SLC6A7: variants seen among roughly 807,000 people sequenced by gnomAD.
SLC6A7 encodes the protein sodium-dependent proline transporter.
Under a neutral mutation model 73.1 loss-of-function variants are expected in SLC6A7, and 58 were observed. That is an observed-to-expected ratio of 0.79 (90% CI 0.64 to 0.99). The LOEUF is 0.99. SLC6A7 is among the 50% of genes least tolerant of loss of function. SLC6A7 has a pLI of 0.00. For missense variants in SLC6A7, 783 were observed against 831.4 expected (o/e 0.94, Z 0.72); for synonymous variants, 338 against 338.7 (o/e 1.00, Z 0.02).
intron 1 of SLC6A7, among the ~76,000 whole-genome samples, chr5:150,193,618 G>A (rs764255883): frequency 9.9e-5 from 15 of 152,208 alleles, no homozygotes; most frequent in East Asian, 1.9e-4. Flanking sequence ...TTTGAGCCAC[G>A]GAGCATCAGT....
At chr5:150,196,467 C>G (rs946571165) in intron 2 of SLC6A7, among the ~76,000 whole-genome samples, 1 of 152,230 alleles carries the variant, frequency 6.6e-6, no homozygotes, top group Non-Finnish European at 1.5e-5. Context: ...TTCATTCATT[C>G]ACTCCCTCAG....
At chr5:150,191,591 T>C (rs1014032877) in intron 1 of SLC6A7, among the ~76,000 whole-genome samples, 12 of 152,186 alleles carry the variant, frequency 7.9e-5, no homozygotes, top group Middle Eastern at 3.4e-3. Flanking sequence ...CCACCACGCC[T>C]GGCTAATGTT....
chr5:150,202,872 C>T (rs142927883), intron 8 of SLC6A7, among the ~76,000 whole-genome samples, 169 bp downstream of exon 8: 12 of 152,178 alleles, frequency 7.9e-5, no homozygotes, highest in African/African-American at 2.9e-4. Flanking sequence ...GTCAGGAGTT[C>T]GAGACCAGCC....
rs776281476 is a variant in SLC6A7 at position 150,202,705 on chromosome 5, T to C, written c.1087+2T>C. On this transcript the variant is annotated splice_donor_variant, in intron 8 of 13. Coordinates refer to ENST00000230671, the MANE Select transcript of SLC6A7 (RefSeq NM_014228.5). LOFTEE classifies it high-confidence loss of function. ...CTGTGGACCAAGTAGCCAAAGCAGG[T>C]GGGCAGGCTGCCAGGCCTCAGTGGG... The C allele has an allele frequency of 7.4e-6, 12 of 1,613,790 alleles. No homozygotes were observed. Among genetic ancestry groups the C allele is most frequent in the Non-Finnish European group, 1.0e-5 (12 of 1,179,890 alleles).
rs1286131309 is a variant in SLC6A7 at position 150,198,104 on chromosome 5, A to AAAG, written c.584+831_584+833dup. On this transcript the variant is annotated intron_variant, in intron 4 of 13. Coordinates refer to ENST00000230671, the MANE Select transcript of SLC6A7 (RefSeq NM_014228.5). ...GAAAGAAAGAAAGAAAGAAAGAAAG[A>AAAG]AAGAAAGAAAGAGAAAGAAAGAAAG... 3.9e-5 allele frequency among the ~76,000 whole-genome samples: 4 copies of AAAG among 101,758 alleles called. No homozygotes were observed. In the South Asian group the frequency reaches 1.2e-3, roughly 31 times the overall value. The allele number at this position is 101,758 out of a possible 152,430, so 66.8% of individuals were successfully genotyped here. A position where few individuals can be genotyped will look rare whatever the true frequency, so the allele number is the denominator to read the frequency against.
At chr5:150,199,450 A>G (rs891141453) in intron 5 of SLC6A7, 84 bp downstream of exon 5, 4 of 917,132 alleles carry the variant, frequency 4.4e-6, no homozygotes, top group Non-Finnish European at 6.8e-6. Context: ...ACTGAGCATG[A>G]GAAGATGAAG....
chr5:150,203,123 G>A (rs1275918633), intron 8 of SLC6A7, among the ~76,000 whole-genome samples: 1 of 151,898 alleles, frequency 6.6e-6, no homozygotes. Flanking sequence ...GTGTGCATAT[G>A]CACACATGTA....
At chr5:150,197,349 A>G (rs1753088453) in intron 4 of SLC6A7, 73 bp downstream of exon 4, 1 of 994,812 alleles carries the variant, frequency 1.0e-6, no homozygotes, top group African/African-American at 1.6e-5. Flanking sequence ...GGCATCCCCC[A>G]CAGTCTCAGC....
At chr5:150,208,315 T>G (rs1020795864) in intron 13 of SLC6A7, among the ~76,000 whole-genome samples, 1 of 152,066 alleles carries the variant, frequency 6.6e-6, no homozygotes, top group South Asian at 2.1e-4. Flanking sequence ...TGTAGGTATC[T>G]AGGGTAAGAG....
intron 5 of SLC6A7, among the ~76,000 whole-genome samples, chr5:150,200,207 T>C (rs779674727): frequency 6.6e-6 from 1 of 152,128 alleles, no homozygotes; most frequent in Non-Finnish European, 1.5e-5. Flanking sequence ...TTGAAAAAAC[T>C]TGGGGCCGGA....
Position 150,209,597 on chromosome 5 carries a change from G to A in SLC6A7, c.1893G>A (p.Glu631=). The A allele has an allele frequency of 1.2e-6, 2 of 1,607,822 alleles. No homozygotes were observed. Among genetic ancestry groups the A allele is most frequent in the Non-Finnish European group, 1.7e-6 (2 of 1,176,918 alleles). The change falls in exon 14 of 14, where the codon GAG becomes GAA. Residue 631 remains glutamate, a synonymous_variant. Coordinates refer to ENST00000230671, the MANE Select transcript of SLC6A7 (RefSeq NM_014228.5). ...AGGTGGACCGTGAGATTGCAGAGGA[G>A]GAGGAGTCGATGATGTGAGGCAGGA... ...AIEVDREIAE[E]EESMM
In SLC6A7 at chr5:150,196,852, G is replaced by C. The variant is rs375660899; in HGVS notation, c.349+5G>C. ...AAATCAGCCCTCTCTTCAAAGGTGAGGCCTCAGTGGTCCCCAGGGAGGGAA... is the reference window on the plus strand; with the variant it reads ...AAATCAGCCCTCTCTTCAAAGGTGACGCCTCAGTGGTCCCCAGGGAGGGAA... On this transcript the variant is annotated splice_donor_5th_base_variant and intron_variant, in intron 3 of 13. Coordinates refer to ENST00000230671, the MANE Select transcript of SLC6A7 (RefSeq NM_014228.5). 1.2e-6 allele frequency: 2 copies of C among 1,613,160 alleles called. No individual in the cohort carries two copies. The highest frequency in any genetic ancestry group is 2.7e-5 in the African/African-American group (2 of 74,908).
intron 1 of SLC6A7, among the ~76,000 whole-genome samples, chr5:150,193,617 C>T (rs749335818): frequency 5.3e-5 from 8 of 152,152 alleles, no homozygotes; most frequent in Non-Finnish European, 1.0e-4. Context: ...ATTTGAGCCA[C>T]GGAGCATCAG....
In SLC6A7 at chr5:150,190,093, G is replaced by C. The variant is rs772906232; in HGVS notation, c.-235G>C. The C allele has an allele frequency of 4.7e-5, 20 of 428,584 alleles. No individual in the cohort carries two copies. The highest frequency in any genetic ancestry group is 6.9e-5 in the Non-Finnish European group (17 of 245,700). 26.5% of individuals were successfully genotyped at this position (428,584 alleles called of 1,614,324 possible). On this transcript the variant is annotated 5_prime_UTR_variant, in exon 1 of 14. Coordinates refer to ENST00000230671, the MANE Select transcript of SLC6A7 (RefSeq NM_014228.5). Reference sequence around the variant, plus strand: ...TGTCTGTCTGGGTGTCTATGCGGGCGCAGCAGTGCACCCTTCCCCAGCCTC... The same window carrying C: ...TGTCTGTCTGGGTGTCTATGCGGGCCCAGCAGTGCACCCTTCCCCAGCCTC...
chr5:150,208,549 T>C (rs1753808671), intron 13 of SLC6A7, among the ~76,000 whole-genome samples: 1 of 152,126 alleles, frequency 6.6e-6, no homozygotes, highest in Non-Finnish European at 1.5e-5. Context: ...TTCTGAGCAG[T>C]GGGGTAGCAT....
At chr5:150,190,442 G>C (rs767519369) in intron 1 of SLC6A7, 82 bp downstream of exon 1, 311 of 1,000,914 alleles carry the variant, frequency 3.1e-4, no homozygotes, top group Non-Finnish European at 4.1e-4. Flanking sequence ...CCCTGGGGAA[G>C]GTCTGAGGAT....
rs1003007955 is a variant in SLC6A7, at chr5:150,210,361, G to A, written c.*746G>A. On this transcript the variant is annotated 3_prime_UTR_variant, in exon 14 of 14. Coordinates refer to ENST00000230671, the MANE Select transcript of SLC6A7 (RefSeq NM_014228.5). The stretch of plus-strand genomic sequence containing the variant: ...GGTTACAGGAGGGTTCAAGACAGAA[G>A]GAAAACTAACAGAGGGGGAGCCAGG... The A allele has an allele frequency of 6.5e-6, 1 of 153,202 alleles. No individual in the cohort carries two copies. Among genetic ancestry groups the A allele is most frequent in the African/African-American group, 2.4e-5 (1 of 41,440 alleles). 9.5% of individuals were successfully genotyped at this position (153,202 alleles called of 1,614,324 possible).
In SLC6A7 at chr5:150,202,341, G is replaced by T. The variant is rs1452558255; in HGVS notation, c.859-6G>T. The stretch of plus-strand genomic sequence containing the variant: ...ACACCCTCCCTTTCCATCCTTCCCG[G>T]CACAGGTGTGGATTGAAGCTGCTCT... On this transcript the variant is annotated splice_polypyrimidine_tract_variant and splice_region_variant and intron_variant, in intron 6 of 13. Coordinates refer to ENST00000230671, the MANE Select transcript of SLC6A7 (RefSeq NM_014228.5). 1 of 1,606,292 alleles carries T rather than the reference G, an allele frequency of 6.2e-7. No individual in the cohort carries two copies. The highest frequency in any genetic ancestry group is 1.7e-5 in the Admixed American group (1 of 60,006).
Position 150,190,288 on chromosome 5 carries a change from C to A in SLC6A7, c.-40C>A. 2.0e-6 allele frequency: 3 copies of A among 1,497,758 alleles called. No individual in the cohort carries two copies. The highest frequency in any genetic ancestry group is 1.8e-6 in the Non-Finnish European group (2 of 1,121,210). The allele number at this position is 1,497,758 out of a possible 1,614,324, so 92.8% of individuals were successfully genotyped here. ...CCATCTCTCGTGCCCTCGCTCTCTG[C>A]GCTCCGGGGCAGCTGAGCCCCGGCC... On this transcript the variant is annotated 5_prime_UTR_variant, in exon 1 of 14. It introduces an in-frame stop codon into an upstream open reading frame of the 5' UTR. Coordinates refer to ENST00000230671, the MANE Select transcript of SLC6A7 (RefSeq NM_014228.5).
Sources: gnomAD v4.1 joint callset for allele counts (sites outside exome capture counted in the v4.1 genomes callset) on GRCh38, gnomAD v4.1.1 for gene constraint, MANE v1.5 for transcripts, NCBI Gene and HGNC (gene_info 2026-07-23, HGNC 2026-07-21) for gene names.